Variants in ANTXR1 observed in about 807,000 individuals in gnomAD.
The protein encoded by ANTXR1 is ANTXR cell adhesion molecule 1, also known as anthrax toxin receptor 1.
Under a neutral mutation model 78.1 loss-of-function variants are expected in ANTXR1, and 19 were observed. That is an observed-to-expected ratio of 0.24 (90% CI 0.17 to 0.36). The LOEUF (loss-of-function observed/expected upper bound fraction) is 0.36, where lower values mean the gene tolerates loss of function less well. ANTXR1 is among the 10% of genes least tolerant of loss of function. ANTXR1 has a pLI of 1.00. For synonymous variants in ANTXR1, 273 were observed against 260.5 expected (o/e 1.05, Z -0.46); for missense variants, 518 against 718.6 (o/e 0.72, Z 3.19).
At chr2:69,239,997 T>G (rs548550544) in intron 17 of ANTXR1, among the ~76,000 whole-genome samples, 1 of 152,218 alleles carries the variant, frequency 6.6e-6, no homozygotes, top group Non-Finnish European at 1.5e-5. Context: ...ACCTTTCAAG[T>G]GTGGAAGCCA....
In ANTXR1 at chr2:69,150,228, G is replaced by A. The variant is rs941200235; in HGVS notation, c.952-1941G>A. Among the ~76,000 whole-genome samples, 37 of 152,342 alleles carry A rather than the reference G, an allele frequency of 2.4e-4. No homozygotes were observed. The South Asian group carries it at 7.4e-3, about 31-fold the overall frequency. On this transcript the variant is annotated intron_variant, in intron 12 of 17. Coordinates refer to ENST00000303714, the MANE Select transcript of ANTXR1 (RefSeq NM_032208.3). ...ATCCCAGCTCTGCTATTCACCTGCT[G>A]TGTTACCCTGAACAGACCACCCAGC...
chr2:69,078,856 T>C (rs1185097209), intron 8 of ANTXR1, among the ~76,000 whole-genome samples: 4 of 152,216 alleles, frequency 2.6e-5, no homozygotes, highest in Non-Finnish European at 2.9e-5. Context: ...TGAATATGCA[T>C]AAAAATCACT....
chr2:69,134,312 C>G (rs11693440), intron 12 of ANTXR1, among the ~76,000 whole-genome samples: 1 of 152,002 alleles, frequency 6.6e-6, no homozygotes. Context: ...CAAAGGGCTG[C>G]GCTGAAACAC....
chr2:69,040,839 T>A (rs1410363043), intron 2 of ANTXR1, among the ~76,000 whole-genome samples: 2 of 152,210 alleles, frequency 1.3e-5, no homozygotes, highest in African/African-American at 4.8e-5. Context: ...CTGATCATCG[T>A]AAGTTCTAAC....
At chr2:69,061,570 C>T (rs1377075683) in intron 3 of ANTXR1, among the ~76,000 whole-genome samples, 1 of 149,650 alleles carries the variant, frequency 6.7e-6, no homozygotes. Flanking sequence ...GAGCTTCCAA[C>T]AAGGCTTTTA....
chr2:69,165,168 A>G (rs1258538333), intron 13 of ANTXR1, among the ~76,000 whole-genome samples: 1 of 152,238 alleles, frequency 6.6e-6, no homozygotes, highest in Admixed American at 6.5e-5. Context: ...AAAGTTTGAA[A>G]CCACTGAGCT....
At chr2:69,200,198 C>T (rs764699237) in intron 17 of ANTXR1, among the ~76,000 whole-genome samples, 11 of 152,136 alleles carry the variant, frequency 7.2e-5, no homozygotes, top group Non-Finnish European at 1.2e-4. Flanking sequence ...TTACTATCTG[C>T]AAGAACAAAA....
At chr2:69,181,903 C>T (rs1674284030) in intron 15 of ANTXR1, 22 bp downstream of exon 15, 1 of 1,610,070 alleles carries the variant, frequency 6.2e-7, no homozygotes, top group African/African-American at 1.3e-5. Context: ...GCTTCATATA[C>T]ACTTATCTAT....
intron 3 of ANTXR1, among the ~76,000 whole-genome samples, chr2:69,047,699 C>T (rs1208343124): frequency 6.6e-6 from 1 of 152,004 alleles, no homozygotes; most frequent in Non-Finnish European, 1.5e-5. Context: ...TTAAATTTTC[C>T]TCCCCAGTCC....
chr2:69,116,189 A>G (rs1558564215), intron 10 of ANTXR1, among the ~76,000 whole-genome samples: 1 of 152,218 alleles, frequency 6.6e-6, no homozygotes, highest in Admixed American at 6.5e-5. Context: ...GACACATAGT[A>G]CATTCCTTTC....
intron 1 of ANTXR1, among the ~76,000 whole-genome samples, chr2:69,020,193 A>G (rs1246529129): frequency 6.6e-6 from 1 of 152,166 alleles, no homozygotes; most frequent in Non-Finnish European, 1.5e-5. Context: ...GGGCATCAGA[A>G]AAATAGTTAT....
chr2:69,206,017 A>AT (rs1347769379), intron 17 of ANTXR1, among the ~76,000 whole-genome samples: 2 of 151,776 alleles, frequency 1.3e-5, no homozygotes, highest in Admixed American at 6.6e-5. Flanking sequence ...GTGTTTTTCC[A>AT]TTTTTTTTCT....
At chr2:69,139,145 T>C (rs1672999975) in intron 12 of ANTXR1, among the ~76,000 whole-genome samples, 1 of 152,360 alleles carries the variant, frequency 6.6e-6, no homozygotes, top group South Asian at 2.1e-4. Flanking sequence ...TAAAATTATG[T>C]CCATTTCTAC....
chr2:69,223,971 T>C (rs1006412194), intron 17 of ANTXR1, among the ~76,000 whole-genome samples: 4 of 152,242 alleles, frequency 2.6e-5, no homozygotes, highest in Non-Finnish European at 5.9e-5. Flanking sequence ...ATAAACTGTG[T>C]TCTCATCTCC....
intron 12 of ANTXR1, among the ~76,000 whole-genome samples, chr2:69,127,081 A>T (rs1183781249): frequency 6.6e-6 from 1 of 152,130 alleles, no homozygotes; most frequent in East Asian, 1.9e-4. Flanking sequence ...GCAACAGATA[A>T]AAATACCTGT....
chr2:69,227,057 A>G (rs1398916225), intron 17 of ANTXR1, among the ~76,000 whole-genome samples: 2 of 152,126 alleles, frequency 1.3e-5, no homozygotes, highest in African/African-American at 4.8e-5. Flanking sequence ...CAACTTCTAC[A>G]TGGTCTTGCA....
At chr2:69,122,584 TTTTG>T (rs1488629154) in intron 10 of ANTXR1, among the ~76,000 whole-genome samples, 3 of 150,856 alleles carry the variant, frequency 2.0e-5, no homozygotes, top group Non-Finnish European at 3.0e-5. Flanking sequence ...AGAGTTTTGT[TTTTG>T]TTTTTGTTTT....
chr2:69,072,133 T>G (rs533012260), intron 5 of ANTXR1, among the ~76,000 whole-genome samples: 358 of 152,346 alleles, frequency 2.3e-3, no homozygotes, highest in Non-Finnish European at 3.6e-3. Flanking sequence ...TTTAATTTTG[T>G]TGTTCTTCTC....
intron 17 of ANTXR1, among the ~76,000 whole-genome samples, chr2:69,228,679 G>T (rs1675522443): frequency 6.6e-6 from 1 of 152,172 alleles, no homozygotes; most frequent in Non-Finnish European, 1.5e-5. Context: ...TGGCATTTGG[G>T]ATTAGTATGA....
Sources: gnomAD v4.1 joint callset for allele counts (sites outside exome capture counted in the v4.1 genomes callset) on GRCh38, gnomAD v4.1.1 for gene constraint, MANE v1.5 for transcripts, NCBI Gene and HGNC (gene_info 2026-07-23, HGNC 2026-07-21) for gene names.